The following TRAPPC9 variants were observed in gnomAD, a reference collection of about 807,000 sequenced individuals.
TRAPPC9 encodes the protein IKK2 binding protein.
TRAPPC9 carries 83 observed loss-of-function variants against 124.0 expected under a neutral mutation model. That is an observed-to-expected ratio of 0.67 (90% CI 0.56 to 0.80). TRAPPC9 has a LOEUF of 0.80. Among genes scored for constraint, TRAPPC9 ranks in the 30% least tolerant of loss-of-function variants. TRAPPC9 has a pLI of 0.00. For missense variants in TRAPPC9, 1,302 were observed against 1,508.3 expected, an observed-to-expected ratio of 0.86 and a Z score of 2.27; for synonymous variants, 638 against 617.5, an observed-to-expected ratio of 1.03 and a Z score of -0.49.
intron 17 of TRAPPC9, among the ~76,000 whole-genome samples, chr8:140,101,694 C>T (rs529725557): frequency 6.6e-6 from 1 of 151,052 alleles, no homozygotes; most frequent in Non-Finnish European, 1.5e-5. Context: ...AGGCATGCAC[C>T]ACCACATCCA....
chr8:139,892,267 A>G (rs1184096206), intron 20 of TRAPPC9, among the ~76,000 whole-genome samples: 3 of 152,206 alleles, frequency 2.0e-5, no homozygotes, highest in Non-Finnish European at 4.4e-5. Flanking sequence ...CCCAAGGGAC[A>G]CCACGATGGC....
rs1267976748 is a variant in TRAPPC9, at chr8:139,797,571, TTTA to T, written c.3056-65372_3056-65370del. On this transcript the variant is annotated intron_variant, in intron 21 of 22. Transcript: ENST00000438773. ...CACAGCACCTGGCTATATTTATTTATTTATTTTCTGCTTGCACTTCTTGTGCCC... is the reference window on the plus strand; with the variant it reads ...CACAGCACCTGGCTATATTTATTTATTTTTCTGCTTGCACTTCTTGTGCCC... Among the ~76,000 whole-genome samples, 11 of 152,320 alleles carry T rather than the reference TTTA, an allele frequency of 7.2e-5. No homozygotes were observed. In the East Asian group the frequency reaches 2.1e-3, roughly 29 times the overall value.
chr8:140,410,964 A>G (rs781195858), intron 5 of TRAPPC9, among the ~76,000 whole-genome samples: 14 of 152,216 alleles, frequency 9.2e-5, no homozygotes, highest in Non-Finnish European at 1.5e-4. Flanking sequence ...AATGATATAT[A>G]AACAGCAATA....
chr8:140,198,415 T>C (rs940842175), intron 17 of TRAPPC9, among the ~76,000 whole-genome samples: 2 of 152,094 alleles, frequency 1.3e-5, no homozygotes, highest in Non-Finnish European at 2.9e-5. Flanking sequence ...GCAAACCCTG[T>C]ACTTGATGGA....
intron 15 of TRAPPC9, among the ~76,000 whole-genome samples, chr8:140,272,138 A>G (rs1049054920): frequency 9.5e-5 from 5 of 52,636 alleles, no homozygotes; most frequent in South Asian, 7.9e-4. Context: ...GGCGATGGTG[A>G]TGGTGATGGT....
At chr8:140,015,833 T>C (rs1211315242) in intron 18 of TRAPPC9, among the ~76,000 whole-genome samples, 3 of 152,122 alleles carry the variant, frequency 2.0e-5, no homozygotes, top group Non-Finnish European at 4.4e-5. Context: ...AACGGGGTCA[T>C]CCCTTTTATA....
At chr8:140,003,361 G>C (rs1249655210) in intron 18 of TRAPPC9, among the ~76,000 whole-genome samples, 1 of 152,026 alleles carries the variant, frequency 6.6e-6, no homozygotes, top group South Asian at 2.1e-4. Context: ...GATCACCTGA[G>C]GTCAGGAGTT....
In TRAPPC9 at chr8:140,371,006, G is replaced by A; in HGVS notation, c.1309C>T (p.Pro437Ser). The stretch of plus-strand genomic sequence containing the variant: ...GGATCCAGCGACAGACTGTAGCCGG[G>A]CAGCGTTTCCAGGAGGAGTTTGTAG... ...ACYKLLLETL[P>S]GYSLSLDPKD... Residue 437 changes from proline (P) to serine (S), a missense_variant, in exon 8 of 23, where the codon CCC becomes TCC. This residue lies in a region of TRAPPC9 where 657 missense variants were observed against 811.2 expected (regional missense o/e 0.81). Coordinates refer to ENST00000438773, the MANE Select transcript of TRAPPC9 (RefSeq NM_001160372.4). 1.9e-6 allele frequency: 3 copies of A among 1,614,256 alleles called. No individual in the cohort carries two copies. The South Asian group carries it at 3.3e-5, about 18-fold the overall frequency.
At chr8:139,841,945 A>G (rs1321465917) in intron 21 of TRAPPC9, among the ~76,000 whole-genome samples, 1 of 152,222 alleles carries the variant, frequency 6.6e-6, no homozygotes, top group Non-Finnish European at 1.5e-5. Flanking sequence ...GAAGCTGGGG[A>G]CCTGGGGTGG....
chr8:140,285,045 C>G (rs1283433936), intron 13 of TRAPPC9, among the ~76,000 whole-genome samples: 1 of 152,144 alleles, frequency 6.6e-6, no homozygotes, highest in Non-Finnish European at 1.5e-5. Context: ...CTTTTCTTAC[C>G]TGTTGCTTAA....
chr8:139,923,888 G>C (rs890054022), intron 19 of TRAPPC9, among the ~76,000 whole-genome samples: 4 of 152,286 alleles, frequency 2.6e-5, no homozygotes, highest in Non-Finnish European at 5.9e-5. Context: ...GTTTAAAAAT[G>C]CTATTATATC....
chr8:139,813,530 G>C (rs867478844), intron 21 of TRAPPC9, among the ~76,000 whole-genome samples: 2 of 152,248 alleles, frequency 1.3e-5, no homozygotes, highest in African/African-American at 4.8e-5. Flanking sequence ...AGAGAGGAGG[G>C]GAGCACCAGG....
Position 139,920,969 on chromosome 8 carries a change from C to A in TRAPPC9, c.2811-10669G>T, listed in dbSNP as rs530709318. 1.5e-3 allele frequency among the ~76,000 whole-genome samples: 226 copies of A among 152,348 alleles called. 2 individuals carry two copies. The Middle Eastern group carries it at 0.027, about 18-fold the overall frequency. ...GCTTCTGCTTCCATCACCTCTGCCA[C>A]AGATGTGGCTGCATCCCACACCTGC... On this transcript the variant is annotated intron_variant, in intron 19 of 22. Coordinates refer to ENST00000438773, the MANE Select transcript of TRAPPC9 (RefSeq NM_001160372.4).
At chr8:140,385,474 A>G (rs1220320473) in intron 7 of TRAPPC9, among the ~76,000 whole-genome samples, 3 of 152,228 alleles carry the variant, frequency 2.0e-5, no homozygotes, top group African/African-American at 7.2e-5. Context: ...ATAAAAAATG[A>G]CAAAGGGGAT....
At chr8:139,758,608 T>C (rs1189574298) in intron 21 of TRAPPC9, among the ~76,000 whole-genome samples, 1 of 152,104 alleles carries the variant, frequency 6.6e-6, no homozygotes, top group Non-Finnish European at 1.5e-5. Flanking sequence ...GATAAAATGT[T>C]TACTGAGCCA....
intron 17 of TRAPPC9, among the ~76,000 whole-genome samples, chr8:140,205,079 A>G (rs1290162779): frequency 6.6e-6 from 1 of 152,252 alleles, no homozygotes; most frequent in East Asian, 1.9e-4. Context: ...AAGTATGTGT[A>G]GGAATACTCA....
intron 21 of TRAPPC9, among the ~76,000 whole-genome samples, chr8:139,839,478 C>T (rs1430226606): frequency 6.6e-6 from 1 of 152,100 alleles, no homozygotes; most frequent in Non-Finnish European, 1.5e-5. Flanking sequence ...TGCGGGGATG[C>T]GGACAGTGGG....
At chr8:139,785,356 G>A (rs1195312691) in intron 21 of TRAPPC9, among the ~76,000 whole-genome samples, 1 of 152,290 alleles carries the variant, frequency 6.6e-6, no homozygotes, top group East Asian at 1.9e-4. Flanking sequence ...TTGTGATTTT[G>A]AGTTAGGCCA....
intron 15 of TRAPPC9, among the ~76,000 whole-genome samples, chr8:140,258,916 G>A (rs2064333226): frequency 2.0e-5 from 3 of 152,186 alleles, no homozygotes; most frequent in Non-Finnish European, 4.4e-5. Context: ...CTGAGATACT[G>A]AGGCCCTGTA....
Sources: allele counts gnomAD v4.1 joint callset (sites outside exome capture counted in the v4.1 genomes callset), GRCh38; gene constraint gnomAD v4.1.1; regional missense constraint gnomAD v4.1.1; transcripts MANE v1.5; gene names NCBI Gene and HGNC (gene_info 2026-07-23, HGNC 2026-07-21).